PDE8B: variants seen among roughly 807,000 people sequenced by gnomAD.
PDE8B encodes the protein high affinity cAMP-specific and IBMX-insensitive 3',5'-cyclic phosphodiesterase 8B.
PDE8B carries 26 observed loss-of-function variants against 101.3 expected under a neutral mutation model. That is an observed-to-expected ratio of 0.26 (90% CI 0.19 to 0.36). The LOEUF (loss-of-function observed/expected upper bound fraction) is 0.36, where lower values mean the gene tolerates loss of function less well. Among genes scored for constraint, PDE8B ranks in the 10% least tolerant of loss-of-function variants. The pLI is 1.00. For missense variants in PDE8B, 810 were observed against 1,163.1 expected (o/e 0.70, Z 4.42); for synonymous variants, 424 against 429.3 (o/e 0.99, Z 0.15).
intron 1 of PDE8B, among the ~76,000 whole-genome samples, chr5:77,259,202 C>A (rs1759955059): frequency 6.6e-6 from 1 of 151,800 alleles, no homozygotes; most frequent in Non-Finnish European, 1.5e-5. Flanking sequence ...CCTCTTCCTG[C>A]TAAAATCCCC....
intron 1 of PDE8B, among the ~76,000 whole-genome samples, chr5:77,310,695 C>T (rs1009099673): frequency 6.6e-6 from 1 of 152,126 alleles, no homozygotes; most frequent in Non-Finnish European, 1.5e-5. Context: ...GAGAACCCCC[C>T]ACAGAGGGCC....
intron 1 of PDE8B, among the ~76,000 whole-genome samples, chr5:77,282,687 G>C (rs975577087): frequency 6.6e-6 from 1 of 152,026 alleles, no homozygotes; most frequent in African/African-American, 2.4e-5. Flanking sequence ...TTCTTAGGCC[G>C]TGAGTCCTCT....
the PDE8B span, chr5:77,148,008 C>A: frequency 1.3e-5 from 2 of 152,152 alleles, no homozygotes; most frequent in Admixed American, 6.6e-5. Context: ...AAATTGCAAG[C>A]CCAGATGCTG....
chr5:77,215,195 T>A (rs1749405848), intron 1 of PDE8B, among the ~76,000 whole-genome samples: 1 of 152,154 alleles, frequency 6.6e-6, no homozygotes, highest in African/African-American at 2.4e-5. Flanking sequence ...TCCTTTTGGG[T>A]TTGTACAGGT....
At chr5:77,096,252 G>A in the PDE8B span, among the ~76,000 whole-genome samples, 338 of 152,290 alleles carry the variant, frequency 2.2e-3, no homozygotes, top group African/African-American at 7.5e-3. Context: ...GCCTCCCAAA[G>A]TGTTGGGATT....
chr5:77,154,645 T>A, the PDE8B span, among the ~76,000 whole-genome samples: 2 of 152,204 alleles, frequency 1.3e-5, no homozygotes, highest in African/African-American at 4.8e-5. Context: ...ACTACTAGGA[T>A]GCAGTATAGC....
chr5:77,246,619 T>C (rs1380278689), intron 1 of PDE8B: 1 of 152,224 alleles, frequency 6.6e-6, no homozygotes, highest in East Asian at 1.9e-4. Context: ...TGTGTTCATT[T>C]ATTTACTTAT....
chr5:77,415,348 A>C (rs866465147), intron 17 of PDE8B, among the ~76,000 whole-genome samples: 2 of 135,368 alleles, frequency 1.5e-5, no homozygotes, highest in African/African-American at 2.8e-5. Context: ...GTGATAAGCT[A>C]AAATTTTTTT....
At chr5:77,225,182 T>A (rs1752065431) in intron 1 of PDE8B, among the ~76,000 whole-genome samples, 1 of 152,184 alleles carries the variant, frequency 6.6e-6, no homozygotes. Flanking sequence ...TAGTTGGTTA[T>A]CCTGAGGTAC....
At chr5:77,419,179 A>G (rs1232345490) in intron 18 of PDE8B, among the ~76,000 whole-genome samples, 1 of 152,238 alleles carries the variant, frequency 6.6e-6, no homozygotes, top group African/African-American at 2.4e-5. Flanking sequence ...AATTCTTTCC[A>G]GTAGCCAATT....
chr5:77,359,461 G>A (rs1782712388), intron 10 of PDE8B, among the ~76,000 whole-genome samples: 3 of 152,240 alleles, frequency 2.0e-5, no homozygotes, highest in Admixed American at 2.0e-4. Flanking sequence ...CCGCAGGACA[G>A]CAGGCTGGGG....
At chr5:77,280,371 G>C (rs372023525) in intron 1 of PDE8B, among the ~76,000 whole-genome samples, 2 of 152,068 alleles carry the variant, frequency 1.3e-5, no homozygotes, top group African/African-American at 4.8e-5. Context: ...GTGTGTGTGT[G>C]TTTTAAATTT....
At chr5:77,217,563 G>T (rs1233446814) in intron 1 of PDE8B, among the ~76,000 whole-genome samples, 2 of 150,806 alleles carry the variant, frequency 1.3e-5, no homozygotes, top group East Asian at 1.9e-4. Flanking sequence ...TTGAGATGAG[G>T]TCTCACTCTG....
intron 10 of PDE8B, among the ~76,000 whole-genome samples, chr5:77,396,450 C>T (rs1383683817): frequency 6.6e-6 from 1 of 152,160 alleles, no homozygotes; most frequent in Non-Finnish European, 1.5e-5. Flanking sequence ...TATTGGTTTG[C>T]ATTTACTTAT....
chr5:77,237,447 C>G lies in PDE8B; in HGVS notation c.339+26183C>G, dbSNP rs1001373961. 4.6e-5 allele frequency among the ~76,000 whole-genome samples: 7 copies of G among 152,208 alleles called. No homozygotes were observed. The East Asian group carries it at 1.3e-3, about 29-fold the overall frequency. Reference sequence around the variant, plus strand: ...TGCTCTAGGGATTATCACACACACACTTAACTTTTCATAGTGAACTTAGAA... The same window carrying G: ...TGCTCTAGGGATTATCACACACACAGTTAACTTTTCATAGTGAACTTAGAA... On this transcript the variant is annotated intron_variant, in intron 1 of 21. Coordinates refer to ENST00000264917, the MANE Select transcript of PDE8B (RefSeq NM_003719.5).
chr5:77,290,830 T>G (rs1016998933), intron 1 of PDE8B: 9 of 1,518,364 alleles, frequency 5.9e-6, no homozygotes, highest in African/African-American at 2.7e-5. Flanking sequence ...AATGTCTGCC[T>G]CTGGAAAGGA....
intron 1 of PDE8B, among the ~76,000 whole-genome samples, chr5:77,254,161 G>T (rs1202840157): frequency 6.6e-6 from 1 of 151,882 alleles, no homozygotes; most frequent in Admixed American, 6.6e-5. Flanking sequence ...AAAAGAATCT[G>T]GTTGCTAAGC....
chr5:77,385,320 C>T (rs776014557), intron 10 of PDE8B, among the ~76,000 whole-genome samples: 1 of 151,916 alleles, frequency 6.6e-6, no homozygotes, highest in Admixed American at 6.6e-5. Context: ...CATGGTGATA[C>T]CCCTTTATGA....
chr5:77,167,785 C>G, the PDE8B span, among the ~76,000 whole-genome samples: 301 of 152,258 alleles, frequency 2.0e-3, no homozygotes, highest in Non-Finnish European at 3.1e-3. Context: ...AGGAATGTCA[C>G]CTCAAACCCA....
Sources: gnomAD v4.1 joint callset for allele counts (sites outside exome capture counted in the v4.1 genomes callset) on GRCh38, gnomAD v4.1.1 for gene constraint, MANE v1.5 for transcripts, NCBI Gene and HGNC (gene_info 2026-07-23, HGNC 2026-07-21) for gene names.